Variants in SMPX observed in about 807,000 individuals in gnomAD.
SMPX encodes small muscular protein.
SMPX carries 2 observed loss-of-function variants against 6.3 expected under a neutral mutation model. The observed-to-expected ratio is 0.32, with a 90% confidence interval of 0.13 to 0.99. The LOEUF (loss-of-function observed/expected upper bound fraction) is 0.99. SMPX is among the 50% of genes least tolerant of loss of function. The probability of loss-of-function intolerance (pLI) is 0.49; values close to 1 mark genes in which losing one functional copy is unlikely to be tolerated. For missense variants in SMPX, 60 were observed against 66.8 expected (o/e 0.90, Z 0.36); for synonymous variants, 32 against 24.7 (o/e 1.30, Z -0.88).
At chrX:21,750,299 G>C (rs1006548065) in intron 2 of SMPX, among the ~76,000 whole-genome samples, 1 of 112,045 alleles carries the variant, frequency 8.9e-6, no homozygotes. Context: ...CCCACCAACA[G>C]TGGGGTTGTA....
chrX:21,749,241 C>T (rs746967059), intron 2 of SMPX, among the ~76,000 whole-genome samples: 74 of 112,373 alleles, frequency 6.6e-4, no homozygotes, highest in Non-Finnish European at 1.0e-3. Flanking sequence ...GTTTTACAAA[C>T]GGCTTAAGTT....
At chrX:21,743,607 T>C in intron 3 of SMPX, 143 bp downstream of exon 3, 1 of 511,572 alleles carries the variant, frequency 2.0e-6, no homozygotes, top group East Asian at 3.5e-5. Flanking sequence ...AAAATGTACA[T>C]ACTGTATGTT....
chrX:21,714,774 T>C (rs1255896943), intron 4 of SMPX, among the ~76,000 whole-genome samples: 1 of 112,847 alleles, frequency 8.9e-6, no homozygotes, highest in Non-Finnish European at 1.9e-5. Flanking sequence ...TGAAGCTGCA[T>C]ATTTTCTTAG....
At chrX:21,749,075 G>T (rs2092824571) in intron 2 of SMPX, among the ~76,000 whole-genome samples, 1 of 112,190 alleles carries the variant, frequency 8.9e-6, no homozygotes, top group Non-Finnish European at 1.9e-5. Flanking sequence ...AACTAGTGGG[G>T]AAGGGAAAGA....
At chrX:21,730,869 A>G (rs981187876) in intron 4 of SMPX, among the ~76,000 whole-genome samples, 13 of 112,246 alleles carry the variant, frequency 1.2e-4, no homozygotes, top group African/African-American at 4.2e-4. Flanking sequence ...TGATATTTCC[A>G]TTCATGCATC....
intron 2 of SMPX, among the ~76,000 whole-genome samples, chrX:21,747,883 A>G (rs1420852344): frequency 8.9e-6 from 1 of 111,793 alleles, no homozygotes; most frequent in Non-Finnish European, 1.9e-5. Context: ...AGCTCCTGCC[A>G]GAATCTATAG....
chrX:21,742,158 T>C (rs1057101006), intron 3 of SMPX, among the ~76,000 whole-genome samples: 2 of 111,957 alleles, frequency 1.8e-5, no homozygotes, highest in African/African-American at 6.5e-5. Context: ...TCTGACTGAT[T>C]GCCATGGTAG....
At position 21,726,754 on chromosome X, in the gene SMPX, C is replaced by T. The variant is rs2092797406; in HGVS notation, c.*14+10795G>A. Among the ~76,000 whole-genome samples the T allele has an allele frequency of 2.7e-5, 3 of 112,192 alleles. No homozygotes were observed. In the Admixed American group the frequency reaches 2.8e-4, roughly 11 times the overall value. On this transcript the variant is annotated intron_variant, in intron 4 of 4. Transcript: ENST00000379494. ...GCTAAATATTCCTCAGGGTGGACAG[C>T]AGAATTGCCTCTGGGAGTTAGGTAT...
chrX:21,727,004 A>G (rs2092797691), intron 4 of SMPX, among the ~76,000 whole-genome samples: 1 of 112,211 alleles, frequency 8.9e-6, no homozygotes, highest in African/African-American at 3.2e-5. Context: ...TGCAACCACT[A>G]TGTGCTAATA....
chrX:21,731,728 A>ATGTGTATATGTGTATATGTACACATTAG, intron 4 of SMPX, among the ~76,000 whole-genome samples: 26 of 103,612 alleles, frequency 2.5e-4, no homozygotes, highest in Non-Finnish European at 6.0e-5. Context: ...GTACACATTA[A>ATGTGTATATGTGTATATGTACACATTAG]TGTGTATATG....
chrX:21,707,959 A>T (rs1030731916), intron 4 of SMPX, among the ~76,000 whole-genome samples: 3 of 112,683 alleles, frequency 2.7e-5, no homozygotes, highest in African/African-American at 6.4e-5. Context: ...CTTGTTTTAA[A>T]CATTGAATTT....
intron 2 of SMPX, among the ~76,000 whole-genome samples, chrX:21,744,803 T>G (rs3788756): frequency 0.29 from 32,503 of 111,582 alleles, 4,208 homozygotes; most frequent in East Asian, 0.42. Context: ...ATGTTATGCA[T>G]GTAAATGATG....
At chrX:21,723,668 C>A (rs921118679) in intron 4 of SMPX, among the ~76,000 whole-genome samples, 5 of 111,990 alleles carry the variant, frequency 4.5e-5, no homozygotes, top group African/African-American at 1.3e-4. Flanking sequence ...GGCACTGTGA[C>A]CCCAGTTCGC....
rs368680472 is a variant in SMPX at position 21,735,662 on chromosome X, C to G, written c.*14+1887G>C. Among the ~76,000 whole-genome samples the G allele has an allele frequency of 2.6e-4, 29 of 112,191 alleles. No individual in the cohort carries two copies. In the East Asian group the frequency reaches 5.3e-3, roughly 20 times the overall value. The stretch of plus-strand genomic sequence containing the variant: ...TCTTCAAAACCAAATTCTTCTGGAA[C>G]TGGAACTGAGGTTAAATTTAGGTCA... On this transcript the variant is annotated intron_variant, in intron 4 of 4. Coordinates refer to ENST00000379494, the MANE Select transcript of SMPX (RefSeq NM_014332.3).
chrX:21,717,120 C>A (rs1202525787), intron 4 of SMPX, among the ~76,000 whole-genome samples: 5 of 111,174 alleles, frequency 4.5e-5, no homozygotes, highest in East Asian at 5.7e-4. Flanking sequence ...TTGGCTGTGC[C>A]CCCACCCAAA....
At chrX:21,720,159 C>A (rs998079375) in intron 4 of SMPX, among the ~76,000 whole-genome samples, 5 of 112,286 alleles carry the variant, frequency 4.5e-5, no homozygotes, top group African/African-American at 1.6e-4. Context: ...TAGCATGTTA[C>A]AAAAATGACA....
chrX:21,739,870 T>C (rs2092814274), intron 3 of SMPX, among the ~76,000 whole-genome samples: 1 of 112,574 alleles, frequency 8.9e-6, no homozygotes, highest in African/African-American at 3.2e-5. Flanking sequence ...CAAAATGTTC[T>C]ATATTGGCAC....
chrX:21,747,342 C>T (rs2092822642), intron 2 of SMPX, among the ~76,000 whole-genome samples: 1 of 111,237 alleles, frequency 9.0e-6, no homozygotes, highest in South Asian at 3.8e-4. Context: ...TAATTTGTTA[C>T]ATCCTCCAAG....
chrX:21,707,370 G>C (rs778197476), intron 4 of SMPX, among the ~76,000 whole-genome samples: 1 of 111,937 alleles, frequency 8.9e-6, no homozygotes, highest in Non-Finnish European at 1.9e-5. Context: ...GAATGTAAAT[G>C]AACTATGGGT....
Sources: gnomAD v4.1 joint callset for allele counts (sites outside exome capture counted in the v4.1 genomes callset) on GRCh38, gnomAD v4.1.1 for gene constraint, MANE v1.5 for transcripts, NCBI Gene and HGNC (gene_info 2026-07-23, HGNC 2026-07-21) for gene names.